Variants in FRMPD1 observed in about 807,000 individuals in gnomAD.
FRMPD1 encodes the protein FERM and PDZ domain-containing protein 1.
A neutral mutation model predicts 117.8 loss-of-function variants in FRMPD1; 76 were observed. That is an observed-to-expected ratio of 0.65 (90% CI 0.54 to 0.78). The LOEUF (loss-of-function observed/expected upper bound fraction) is 0.78, where lower values mean the gene tolerates loss of function less well. Among genes scored for constraint, FRMPD1 ranks in the 30% least tolerant of loss-of-function variants. FRMPD1 has a pLI of 0.00. For synonymous variants in FRMPD1, 783 were observed against 770.4 expected, an observed-to-expected ratio of 1.02 and a Z score of -0.27; for missense variants, 1,786 against 1,964.5, an observed-to-expected ratio of 0.91 and a Z score of 1.72.
chr9:37,724,126 A>G, intron 6 of FRMPD1, 99 bp from the exon 7 acceptor site: 1 of 590,710 alleles, frequency 1.7e-6, no homozygotes, highest in Non-Finnish European at 3.1e-6. Flanking sequence ...GTGAGCCGAG[A>G]TCGTACCACT....
At chr9:37,633,967 A>G in the FRMPD1 span, among the ~76,000 whole-genome samples, 1 of 152,216 alleles carries the variant, frequency 6.6e-6, no homozygotes. Context: ...TTAAAAAGGA[A>G]TGGCAGTCTC....
intron 2 of FRMPD1, among the ~76,000 whole-genome samples, chr9:37,695,481 A>C (rs1392052022): frequency 1.3e-5 from 2 of 152,300 alleles, no homozygotes; most frequent in East Asian, 1.9e-4. Context: ...CAAAGAGATA[A>C]AGTTTCCTGT....
At chr9:37,698,426 T>C (rs192932303) in intron 2 of FRMPD1, among the ~76,000 whole-genome samples, 2 of 152,220 alleles carry the variant, frequency 1.3e-5, no homozygotes, top group African/African-American at 4.8e-5. Flanking sequence ...AATTCTGGCG[T>C]CTGTGAGTGG....
At chr9:37,622,337 GAT>G in the FRMPD1 span, among the ~76,000 whole-genome samples, 1 of 152,204 alleles carries the variant, frequency 6.6e-6, no homozygotes, top group Non-Finnish European at 1.5e-5. Context: ...ATTACCAACA[GAT>G]GTGTGAACTC....
At chr9:37,604,930 T>A in the FRMPD1 span, among the ~76,000 whole-genome samples, 248 of 152,324 alleles carry the variant, frequency 1.6e-3, no homozygotes, top group Non-Finnish European at 3.0e-3. Flanking sequence ...TGAATATAAT[T>A]CTCACATCAA....
the FRMPD1 span, among the ~76,000 whole-genome samples, chr9:37,611,781 C>T: frequency 6.6e-6 from 1 of 152,158 alleles, no homozygotes; most frequent in Admixed American, 6.6e-5. Context: ...TACCTTAGTG[C>T]ACAGAGCTTA....
chr9:37,654,944 A>G lies in FRMPD1; in HGVS notation c.-5+3850A>G, dbSNP rs1478979427. On this transcript the variant is annotated intron_variant, in intron 1 of 15. Coordinates refer to ENST00000377765, the MANE Select transcript of FRMPD1 (RefSeq NM_014907.3). Reference sequence around the variant, plus strand: ...CTGCTCCTGCTACAACTTCGGGGACATTGCACAGTAGACCCTTCTTTAGGA... The same window carrying G: ...CTGCTCCTGCTACAACTTCGGGGACGTTGCACAGTAGACCCTTCTTTAGGA... Among the ~76,000 whole-genome samples, 6 of 152,160 alleles carry G rather than the reference A, an allele frequency of 3.9e-5. 1 individual carries two copies. The highest frequency in any genetic ancestry group is 3.8e-4 in the East Asian group (2 of 5,196).
intron 2 of FRMPD1, among the ~76,000 whole-genome samples, chr9:37,705,897 A>T (rs1327187208): frequency 6.6e-6 from 1 of 151,878 alleles, no homozygotes; most frequent in East Asian, 1.9e-4. Flanking sequence ...GAACCGCTTG[A>T]ACCAGTGAGC....
At chr9:37,719,678 G>C (rs1213660237) in intron 6 of FRMPD1, among the ~76,000 whole-genome samples, 1 of 152,188 alleles carries the variant, frequency 6.6e-6, no homozygotes, top group Non-Finnish European at 1.5e-5. Context: ...CAGAGGCCTA[G>C]AGAGATTAAG....
At chr9:37,722,980 C>G (rs534450714) in intron 6 of FRMPD1, among the ~76,000 whole-genome samples, 1 of 152,254 alleles carries the variant, frequency 6.6e-6, no homozygotes, top group South Asian at 2.1e-4. Flanking sequence ...ATGGGGCCAC[C>G]CAACACAGAC....
chr9:37,674,318 C>T (rs1407968190), intron 1 of FRMPD1, among the ~76,000 whole-genome samples: 2 of 152,304 alleles, frequency 1.3e-5, no homozygotes, highest in East Asian at 1.9e-4. Flanking sequence ...TTCCAGTTCT[C>T]GATAAGTTCC....
intron 5 of FRMPD1, among the ~76,000 whole-genome samples, chr9:37,711,939 GA>G (rs1008209125): frequency 1.2e-4 from 19 of 152,110 alleles, no homozygotes; most frequent in African/African-American, 3.4e-4. Context: ...ATTATTTAGG[GA>G]AAGTATATAA....
At position 37,710,414 on chromosome 9, in the gene FRMPD1, A is replaced by G. The variant is rs142456627; in HGVS notation, c.363-936A>G. ...TTTCTCTGTTCTGGCCGCTAATATAAAGTAGAGGTCAAGCAGTTATCTGCT... is the reference window on the plus strand; with the variant it reads ...TTTCTCTGTTCTGGCCGCTAATATAGAGTAGAGGTCAAGCAGTTATCTGCT... On this transcript the variant is annotated intron_variant, in intron 4 of 15. Transcript: ENST00000377765. 2.9e-3 allele frequency among the ~76,000 whole-genome samples: 437 copies of G among 152,282 alleles called. 1 individual carries two copies. Among genetic ancestry groups the G allele is most frequent in the African/African-American group, 0.01 (432 of 41,556 alleles).
Position 37,745,943 on chromosome 9 carries a change from C to G in FRMPD1, c.3911C>G (p.Pro1304Arg). The part of the protein sequence containing the change: ...SFLCFAPESH[P>R]EVSASLRVAT... Reference sequence around the variant, plus strand: ...CTGTGCTTTGCCCCAGAAAGCCATCCTGAAGTCTCTGCCAGTCTCAGGGTG... The same window carrying G: ...CTGTGCTTTGCCCCAGAAAGCCATCGTGAAGTCTCTGCCAGTCTCAGGGTG... Residue 1304 changes from proline to arginine, a missense_variant, in exon 16 of 16, where the codon CCT becomes CGT. Pro to Arg is a moderately radical substitution (Grantham distance 103). Coordinates refer to ENST00000377765, the MANE Select transcript of FRMPD1 (RefSeq NM_014907.3). 2 of 1,614,244 alleles carry G rather than the reference C, an allele frequency of 1.2e-6. No individual in the cohort carries two copies. Among genetic ancestry groups the G allele is most frequent in the Admixed American group, 1.7e-5 (1 of 60,026 alleles).
the FRMPD1 span, among the ~76,000 whole-genome samples, chr9:37,638,634 C>T: frequency 6.6e-6 from 1 of 152,170 alleles, no homozygotes; most frequent in African/African-American, 2.4e-5. Context: ...CTTGCAACCT[C>T]ATGGGAGATA....
At chr9:37,696,723 C>T (rs1191962508) in intron 2 of FRMPD1, among the ~76,000 whole-genome samples, 1 of 152,184 alleles carries the variant, frequency 6.6e-6, no homozygotes, top group East Asian at 1.9e-4. Context: ...GAAATGTCCT[C>T]TATAGTGCAG....
chr9:37,714,598 T>A (rs1354263068), intron 5 of FRMPD1, among the ~76,000 whole-genome samples: 9 of 65,608 alleles, frequency 1.4e-4, no homozygotes, highest in African/African-American at 6.3e-4. Context: ...TTATTTTATT[T>A]TATTTTATTT....
At chr9:37,611,400 T>A in the FRMPD1 span, among the ~76,000 whole-genome samples, 1 of 152,204 alleles carries the variant, frequency 6.6e-6, no homozygotes, top group Non-Finnish European at 1.5e-5. Flanking sequence ...AGGTTAAGAA[T>A]CATTGCTTGC....
rs995840439 is a variant in FRMPD1, at chr9:37,736,915, G to A, written c.1402-181G>A. 3.1e-4 allele frequency among the ~76,000 whole-genome samples: 47 copies of A among 151,990 alleles called. 1 individual carries two copies. Among genetic ancestry groups the A allele is most frequent in the Middle Eastern group, 6.8e-3 (2 of 294 alleles). Reference sequence around the variant, plus strand: ...CACACACACGCGATGGTGTCTGTACGAGTACATGCATGTCCTCATTTAAAG... The same window carrying A: ...CACACACACGCGATGGTGTCTGTACAAGTACATGCATGTCCTCATTTAAAG... On this transcript the variant is annotated intron_variant, in intron 13 of 15. Transcript: ENST00000377765.
Sources: gnomAD v4.1 joint callset for allele counts (sites outside exome capture counted in the v4.1 genomes callset) on GRCh38, gnomAD v4.1.1 for gene constraint, MANE v1.5 for transcripts, NCBI Gene and HGNC (gene_info 2026-07-23, HGNC 2026-07-21) for gene names.